The following GSS variants were observed in gnomAD, a reference collection of about 807,000 sequenced individuals.
GSS encodes glutathione synthetase.
A neutral mutation model predicts 60.4 loss-of-function variants in GSS; 34 were observed. That is an observed-to-expected ratio of 0.56 (90% CI 0.43 to 0.75). The LOEUF (loss-of-function observed/expected upper bound fraction) is 0.75, where lower values mean the gene tolerates loss of function less well. Among genes scored for constraint, GSS ranks in the 30% least tolerant of loss-of-function variants. The probability of loss-of-function intolerance (pLI) is 0.00; values close to 1 mark genes in which losing one functional copy is unlikely to be tolerated. For synonymous variants in GSS, 224 were observed against 239.0 expected, an observed-to-expected ratio of 0.94 and a Z score of 0.58; for missense variants, 499 against 595.1, an observed-to-expected ratio of 0.84 and a Z score of 1.68.
At chr20:34,950,415 G>A (rs1374547244) in intron 2 of GSS, among the ~76,000 whole-genome samples, 3 of 151,986 alleles carry the variant, frequency 2.0e-5, no homozygotes. Context: ...GATGTTGGCA[G>A]CTCTTTAGTC....
chr20:34,951,456 T>G, intron 2 of GSS: 1 of 464,302 alleles, frequency 2.2e-6, no homozygotes, highest in Non-Finnish European at 3.9e-6. Flanking sequence ...GTGAGGTAGG[T>G]CCTATTATTA....
intron 2 of GSS, among the ~76,000 whole-genome samples, chr20:34,950,622 A>G (rs1326698266): frequency 2.6e-5 from 4 of 151,396 alleles, no homozygotes; most frequent in Non-Finnish European, 5.9e-5. Context: ...AAAAAAAATT[A>G]GCCAGGCGTA....
chr20:34,936,735 C>T, intron 8 of GSS, 28 bp downstream of exon 8: 2 of 1,513,522 alleles, frequency 1.3e-6, no homozygotes, highest in African/African-American at 2.7e-5. Context: ...ATAAACCAGC[C>T]TTCCACTGGA....
chr20:34,950,168 G>A lies in GSS; in HGVS notation c.129+1556C>T, dbSNP rs894297351. On this transcript the variant is annotated intron_variant, in intron 2 of 12. Coordinates refer to ENST00000651619, the MANE Select transcript of GSS (RefSeq NM_000178.4). Reference sequence around the variant, plus strand: ...TTCACATGGTACCTATTGATTAACAGAAGAAACAAAAGCGTGGAAGAGAAA... The same window carrying A: ...TTCACATGGTACCTATTGATTAACAAAAGAAACAAAAGCGTGGAAGAGAAA... 3.3e-5 allele frequency: 5 copies of A among 152,164 alleles called. No individual in the cohort carries two copies. In the East Asian group the frequency reaches 9.7e-4, roughly 29 times the overall value. The allele number at this position is 152,164 out of a possible 1,614,324, so 9.4% of individuals were successfully genotyped here. A position where few individuals can be genotyped will look rare whatever the true frequency, so the allele number is the denominator to read the frequency against.
At chr20:34,951,081 A>G (rs1290970448) in intron 2 of GSS, among the ~76,000 whole-genome samples, 1 of 152,208 alleles carries the variant, frequency 6.6e-6, no homozygotes, top group African/African-American at 2.4e-5. Flanking sequence ...ATTTATGGTC[A>G]TAAAATAATG....
rs374692829 is a variant in GSS at position 34,937,141 on chromosome 20, G to A, written c.609-118C>T. On this transcript the variant is annotated intron_variant, in intron 6 of 12. Transcript: ENST00000651619. ...ATAAGAATAAGAACACCGCTTCCCT[G>A]AAAGAACAGATGTTCCCTCTCTCAG... 116 of 731,192 alleles carry A rather than the reference G, an allele frequency of 1.6e-4. No homozygotes were observed. The East Asian group carries it at 2.1e-3, about 13-fold the overall frequency. 45.3% of individuals were successfully genotyped at this position (731,192 alleles called of 1,614,324 possible). A position where few individuals can be genotyped will look rare whatever the true frequency, so the allele number is the denominator to read the frequency against.
At chr20:34,935,500 A>T (rs1027318512) in intron 9 of GSS, 76 bp downstream of exon 9, 12 of 992,912 alleles carry the variant, frequency 1.2e-5, no homozygotes, top group Non-Finnish European at 1.8e-5. Context: ...CCAGGTTGTT[A>T]TAAGCCTGAA....
rs767231017 is a variant in GSS, at chr20:34,929,468, G to A, written c.1234C>T (p.Arg412Trp). The A allele has an allele frequency of 5.7e-5, 92 of 1,613,888 alleles. No individual in the cohort carries two copies. The highest frequency in any genetic ancestry group is 7.3e-5 in the Non-Finnish European group (86 of 1,179,872). Residue 412 changes from arginine to tryptophan, a missense_variant, in exon 12 of 13, where the codon CGG (arginine) becomes TGG (tryptophan). Physicochemically the swap from Arg to Trp is moderately radical, Grantham distance 101. Transcript: ENST00000651619. ...EPEPFENCLL[R>W]PGSPARVVQC... is the part of the protein sequence containing the mutation. ...ACCACTCGGGCAGGGCTGCCAGGCC[G>A]TAGCAGGCAATTCTCAAAAGGCTCA...
intron 12 of GSS, 105 bp downstream of exon 12, chr20:34,929,296 A>T: frequency 1.0e-6 from 1 of 999,630 alleles, no homozygotes; most frequent in South Asian, 1.3e-5. Flanking sequence ...GCTGGCACCG[A>T]AGCCCAGGAT....
chr20:34,950,603 CAA>C (rs1333931521), intron 2 of GSS, among the ~76,000 whole-genome samples: 7 of 114,540 alleles, frequency 6.1e-5, no homozygotes, highest in African/African-American at 6.5e-5. Flanking sequence ...CTGTCCCTAC[CAA>C]AAAAAAAAAA....
At chr20:34,946,185 G>A in intron 2 of GSS, 87 bp from the exon 3 acceptor site, 1 of 1,191,608 alleles carries the variant, frequency 8.4e-7, no homozygotes, top group Non-Finnish European at 1.2e-6. Context: ...GGAAAGTCTG[G>A]CCTATATTTA....
At chr20:34,951,604 G>A (rs1410163443) in intron 2 of GSS, 120 bp downstream of exon 2, 2 of 1,104,924 alleles carry the variant, frequency 1.8e-6, no homozygotes, top group Non-Finnish European at 2.6e-6. Context: ...ATCAATTTTA[G>A]TTACTGGAAA....
At chr20:34,940,304 G>A (rs534846977) in intron 6 of GSS, among the ~76,000 whole-genome samples, 1 of 152,174 alleles carries the variant, frequency 6.6e-6, no homozygotes, top group African/African-American at 2.4e-5. Context: ...TGCAGCATTT[G>A]TCTGTCAGCA....
Position 34,928,657 on chromosome 20 carries a change from C to T in GSS, c.*171G>A. ...CAAGGATTTGGGGGCGTCTAGATCT[C>T]ATCTAAGGGAGACACAACTTTTCTG... On this transcript the variant is annotated 3_prime_UTR_variant, in exon 13 of 13. Coordinates refer to ENST00000651619, the MANE Select transcript of GSS (RefSeq NM_000178.4). 1 of 738,468 alleles carries T rather than the reference C, an allele frequency of 1.4e-6. No homozygotes were observed. Among genetic ancestry groups the T allele is most frequent in the Non-Finnish European group, 2.4e-6 (1 of 423,108 alleles). The allele number at this position is 738,468 out of a possible 1,614,324, so 45.7% of individuals were successfully genotyped here.
At chr20:34,945,377 T>C (rs2081512726) in intron 3 of GSS, among the ~76,000 whole-genome samples, 1 of 114,640 alleles carries the variant, frequency 8.7e-6, no homozygotes, top group South Asian at 2.7e-4. Flanking sequence ...TGCCCCAGAA[T>C]CTGAAGAAAA....
chr20:34,942,415 GGCCTA>G (rs1449115084), intron 5 of GSS, 68 bp downstream of exon 5: 3 of 1,413,082 alleles, frequency 2.1e-6, no homozygotes, highest in African/African-American at 1.4e-5. Context: ...GGAGTTCCCT[GGCCTA>G]GCCAGTGACT....
chr20:34,928,519 C>A lies in GSS; in HGVS notation c.*309G>T. 2.1e-6 allele frequency: 1 copy of A among 486,356 alleles called. No individual in the cohort carries two copies. Among genetic ancestry groups the A allele is most frequent in the Non-Finnish European group, 3.8e-6 (1 of 265,336 alleles). 30.1% of individuals were successfully genotyped at this position (486,356 alleles called of 1,614,324 possible). ...CCCTCCTCCTACCACTCAGTCCTAT[C>A]CCAAGTCAGGCACTGGAACCTGCTG... On this transcript the variant is annotated 3_prime_UTR_variant, in exon 13 of 13. Coordinates refer to ENST00000651619, the MANE Select transcript of GSS (RefSeq NM_000178.4).
intron 6 of GSS, among the ~76,000 whole-genome samples, chr20:34,938,591 G>A (rs34233448): frequency 4.3e-4 from 66 of 152,202 alleles, no homozygotes; most frequent in African/African-American, 1.6e-3. Context: ...TGTGTGGGAG[G>A]GAGGCAGTTG....
intron 11 of GSS, 23 bp from the exon 12 acceptor site, chr20:34,929,613 C>G (rs1280196357): frequency 6.2e-7 from 1 of 1,605,124 alleles, no homozygotes; most frequent in East Asian, 2.2e-5. Context: ...TGGCCAGTCA[C>G]CCTGGACCCT....
Sources: gnomAD v4.1 joint callset for allele counts (sites outside exome capture counted in the v4.1 genomes callset) on GRCh38, gnomAD v4.1.1 for gene constraint, MANE v1.5 for transcripts, NCBI Gene and HGNC (gene_info 2026-07-23, HGNC 2026-07-21) for gene names.